PPP6C: variants seen among roughly 807,000 people sequenced by gnomAD.
PPP6C encodes the protein serine/threonine-protein phosphatase 6 catalytic subunit.
A neutral mutation model predicts 39.8 loss-of-function variants in PPP6C; 11 were observed. That is an observed-to-expected ratio of 0.28 (90% confidence interval 0.17 to 0.46). The LOEUF is 0.46. PPP6C is among the 20% of genes least tolerant of loss of function. The probability of loss-of-function intolerance (pLI) is 1.00; values close to 1 mark genes in which losing one functional copy is unlikely to be tolerated. For synonymous variants in PPP6C, 129 were observed against 130.3 expected (o/e 0.99, Z 0.07); for missense variants, 211 against 373.9 (o/e 0.56, Z 3.59).
intron 1 of PPP6C, among the ~76,000 whole-genome samples, chr9:125,175,082 C>T (rs957197395): frequency 5.9e-5 from 9 of 151,540 alleles, no homozygotes; most frequent in Non-Finnish European, 1.0e-4. Flanking sequence ...GGTGGCAGGG[C>T]GCTGGTAATC....
At chr9:125,181,581 C>T (rs192037519) in intron 1 of PPP6C, among the ~76,000 whole-genome samples, 73 of 152,118 alleles carry the variant, frequency 4.8e-4, no homozygotes, top group African/African-American at 1.6e-3. Context: ...TGAGAACATG[C>T]GGTGTTTCGT....
intron 2 of PPP6C, 129 bp from the exon 3 acceptor site, chr9:125,161,035 T>C (rs960024878): frequency 3.7e-6 from 2 of 537,552 alleles, no homozygotes; most frequent in Non-Finnish European, 6.1e-6. Flanking sequence ...AGAAATAAAG[T>C]GTAAGCCAAA....
chr9:125,168,698 C>G (rs1468768559), intron 2 of PPP6C, among the ~76,000 whole-genome samples: 1 of 151,764 alleles, frequency 6.6e-6, no homozygotes, highest in Non-Finnish European at 1.5e-5. Flanking sequence ...CCCTCGTGAT[C>G]CACCCACCTC....
At chr9:125,157,135 CT>C (rs1836097354) in intron 4 of PPP6C, among the ~76,000 whole-genome samples, 1 of 136,060 alleles carries the variant, frequency 7.3e-6, no homozygotes, top group Non-Finnish European at 1.6e-5. Context: ...CCCCCTCCCC[CT>C]ACCAGTGCCC....
chr9:125,186,425 C>T (rs1252111968), intron 1 of PPP6C, among the ~76,000 whole-genome samples: 7 of 151,774 alleles, frequency 4.6e-5, no homozygotes, highest in South Asian at 2.1e-4. Context: ...CTTGGTTGCC[C>T]AAAACATATA....
chr9:125,189,037 G>T, intron 1 of PPP6C: 1 of 988,314 alleles, frequency 1.0e-6, no homozygotes, highest in Non-Finnish European at 1.5e-6. Flanking sequence ...AACATACTCA[G>T]AAACGGGATT....
chr9:125,152,110 A>AGGGGGTG (rs1343307794), intron 6 of PPP6C, among the ~76,000 whole-genome samples: 1 of 120,876 alleles, frequency 8.3e-6, no homozygotes, highest in Non-Finnish European at 1.8e-5. Context: ...GCCATGGGGT[A>AGGGGGTG]GGGGGTGGGG....
At chr9:125,173,910 C>A (rs1249695581) in intron 1 of PPP6C, among the ~76,000 whole-genome samples, 2 of 152,154 alleles carry the variant, frequency 1.3e-5, no homozygotes, top group African/African-American at 4.8e-5. Context: ...GCCACCGCAC[C>A]CAGCCAAGCC....
intron 1 of PPP6C, among the ~76,000 whole-genome samples, chr9:125,177,303 G>C (rs767140977): frequency 1.1e-4 from 16 of 152,158 alleles, no homozygotes; most frequent in African/African-American, 1.7e-4. Context: ...GAACCCGGGA[G>C]GCCGAACTTG....
chr9:125,165,194 G>A (rs1828985549), intron 2 of PPP6C, among the ~76,000 whole-genome samples: 1 of 152,016 alleles, frequency 6.6e-6, no homozygotes, highest in Non-Finnish European at 1.5e-5. Flanking sequence ...TACCATATTA[G>A]AGATTAAAAC....
intron 4 of PPP6C, among the ~76,000 whole-genome samples, chr9:125,157,000 T>C (rs1836093260): frequency 6.6e-6 from 1 of 151,974 alleles, no homozygotes; most frequent in African/African-American, 2.4e-5. Context: ...ATTATTAAAC[T>C]TTAAGTTCTA....
intron 1 of PPP6C, among the ~76,000 whole-genome samples, chr9:125,182,131 C>A (rs1003040765): frequency 6.6e-6 from 1 of 152,188 alleles, no homozygotes; most frequent in African/African-American, 2.4e-5. Context: ...TCATTCTTAG[C>A]AGACCTCTAT....
intron 2 of PPP6C, among the ~76,000 whole-genome samples, chr9:125,164,404 T>C (rs1051921510): frequency 2.0e-5 from 3 of 151,404 alleles, no homozygotes; most frequent in Non-Finnish European, 1.5e-5. Flanking sequence ...TTTTTGTACT[T>C]TTTTGTACAG....
Position 125,146,613 on chromosome 9 carries a change from A to T in PPP6C, c.*3060T>A, listed in dbSNP as rs2131288683. The T allele has an allele frequency of 6.6e-6, 1 of 152,304 alleles. No homozygotes were observed. The highest frequency in any genetic ancestry group is 1.9e-4 in the East Asian group (1 of 5,192). 9.4% of individuals were successfully genotyped at this position (152,304 alleles called of 1,614,324 possible). On this transcript the variant is annotated 3_prime_UTR_variant, in exon 7 of 7. Transcript: ENST00000373547. ...TTTTTAATTTCTTATATAAAATGCT[A>T]ACTTCTTGTCAGGACATACTACAGA...
intron 2 of PPP6C, among the ~76,000 whole-genome samples, chr9:125,163,933 C>T: frequency 6.6e-6 from 1 of 151,272 alleles, no homozygotes; most frequent in African/African-American, 2.4e-5. Flanking sequence ...CTGCAACCTC[C>T]ACCTCCTGGG....
chr9:125,150,866 G>T, intron 6 of PPP6C: 1 of 803,480 alleles, frequency 1.2e-6, no homozygotes, highest in South Asian at 1.3e-5. Flanking sequence ...CTTTGATCAT[G>T]ACTAATACCT....
At position 125,148,887 on chromosome 9, in the gene PPP6C, G is replaced by A. The variant is rs1305546776; in HGVS notation, c.*786C>T. On this transcript the variant is annotated 3_prime_UTR_variant, in exon 7 of 7. Transcript: ENST00000373547. ...TAAATACTATTGAATTTCAATTGAAGTTTTAAACTCAATAACCAAAGGGTC... is the reference window on the plus strand; with the variant it reads ...TAAATACTATTGAATTTCAATTGAAATTTTAAACTCAATAACCAAAGGGTC... The A allele has an allele frequency of 1.3e-5, 2 of 152,042 alleles. No individual in the cohort carries two copies. Among genetic ancestry groups the A allele is most frequent in the Admixed American group, 6.6e-5 (1 of 15,262 alleles). The allele number at this position is 152,042 out of a possible 1,614,324, so 9.4% of individuals were successfully genotyped here. A position where few individuals can be genotyped will look rare whatever the true frequency, so the allele number is the denominator to read the frequency against.
In PPP6C at chr9:125,149,575, A is replaced by C; in HGVS notation, c.*98T>G. On this transcript the variant is annotated 3_prime_UTR_variant, in exon 7 of 7. Transcript: ENST00000373547. ...AAAAGGCAAGAGGCAGCATTTCAGC[A>C]GCAAAGTGCTCAATAAAAAGTATAT... The C allele has an allele frequency of 1.5e-6, 2 of 1,337,526 alleles. No individual in the cohort carries two copies. Among genetic ancestry groups the C allele is most frequent in the Non-Finnish European group, 2.0e-6 (2 of 993,394 alleles). 82.9% of individuals were successfully genotyped at this position (1,337,526 alleles called of 1,614,324 possible).
chr9:125,175,706 G>A (rs1299757736), intron 1 of PPP6C, among the ~76,000 whole-genome samples: 1 of 147,326 alleles, frequency 6.8e-6, no homozygotes, highest in Admixed American at 6.8e-5. Flanking sequence ...GATAATAAAA[G>A]ATGTTACTTA....
Sources: allele counts gnomAD v4.1 joint callset (sites outside exome capture counted in the v4.1 genomes callset), GRCh38; gene constraint gnomAD v4.1.1; transcripts MANE v1.5; gene names NCBI Gene and HGNC (gene_info 2026-07-23, HGNC 2026-07-21).